The following CANT1 variants were observed in gnomAD, a reference collection of about 807,000 sequenced individuals.
CANT1 encodes soluble calcium-activated nucleotidase 1.
Under a neutral mutation model 30.0 loss-of-function variants are expected in CANT1, and 26 were observed. The ratio of observed to expected loss-of-function variants is 0.87; its 90% CI spans 0.64 to 1.20. The LOEUF is 1.20. Among genes scored for constraint, CANT1 ranks in the 50% most tolerant of loss-of-function variants. CANT1 has a pLI of 0.00. For synonymous variants in CANT1, 246 were observed against 251.8 expected, an observed-to-expected ratio of 0.98 and a Z score of 0.22; for missense variants, 518 against 563.0, an observed-to-expected ratio of 0.92 and a Z score of 0.81.
Position 78,997,306 on chromosome 17 carries a change from C to G in CANT1, c.317G>C (p.Arg106Pro). The change falls in exon 3 of 5, where the codon CGA becomes CCA. Residue 106 changes from arginine to proline, a missense_variant. Arg to Pro is a moderately radical substitution (Grantham distance 103). Transcript: ENST00000392446. This position sits in a 1 kb window ranked among gnomAD's most constrained non-coding sequence, Gnocchi z 7.5. ...GTCCAGGTCTGCGATAACTGCGATTCGATACCGAATCCCAGCCGGTGTCCT... is the reference window on the plus strand; with the variant it reads ...GTCCAGGTCTGCGATAACTGCGATTGGATACCGAATCCCAGCCGGTGTCCT... ...PQRTPAGIRYRIAVIADLDTE... is the reference protein window; with the variant it reads ...PQRTPAGIRYPIAVIADLDTE... The G allele has an allele frequency of 6.2e-7, 1 of 1,614,114 alleles. No homozygotes were observed. Among genetic ancestry groups the G allele is most frequent in the Non-Finnish European group, 8.5e-7 (1 of 1,180,034 alleles).
rs2071526727 is a variant in CANT1, at chr17:79,005,736, CTG to C, written c.-147+3926_-147+3927del. 2.0e-5 allele frequency among the ~76,000 whole-genome samples: 3 copies of C among 152,136 alleles called. No homozygotes were observed. In the South Asian group the frequency reaches 6.2e-4, roughly 31 times the overall value. On this transcript the variant is annotated intron_variant, in intron 1 of 4. Transcript: ENST00000392446. The stretch of plus-strand genomic sequence containing the variant: ...AGGCAGGCAGGCCTCAGAGTGCCCA[CTG>C]TGTTCACTGCCATGGTAAAGAGCAA...
At position 78,996,126 on chromosome 17, in the gene CANT1, G is replaced by A. The variant is rs2071027188; in HGVS notation, c.631+866C>T. On this transcript the variant is annotated intron_variant, in intron 3 of 4. Coordinates refer to ENST00000392446, the MANE Select transcript of CANT1 (RefSeq NM_001159773.2). This position sits in a 1 kb window ranked among gnomAD's most constrained non-coding sequence, Gnocchi z 5.1. The stretch of plus-strand genomic sequence containing the variant: ...GACCAACGCCTCAGTTGATACCTCA[G>A]GTGAGGTCCGTCCCCTGCCCAGCCC... 6.6e-6 allele frequency among the ~76,000 whole-genome samples: 1 copy of A among 152,216 alleles called. No individual in the cohort carries two copies. Among genetic ancestry groups the A allele is most frequent in the Non-Finnish European group, 1.5e-5 (1 of 68,032 alleles).
chr17:79,003,458 G>A (rs924474109), intron 1 of CANT1, among the ~76,000 whole-genome samples: 1 of 110,450 alleles, frequency 9.1e-6, no homozygotes, highest in African/African-American at 3.5e-5. Flanking sequence ...GGGGGTGGGG[G>A]GTGGGGGGGC....
At position 78,995,478 on chromosome 17, in the gene CANT1, A is replaced by C. The variant is rs1021766553; in HGVS notation, c.632-257T>G. Reference sequence around the variant, plus strand: ...CCCCGCTCCTCAAGCTGTAACCCCAACCTTAGGATTATCCTTAAAGGCTAG... The same window carrying C: ...CCCCGCTCCTCAAGCTGTAACCCCACCCTTAGGATTATCCTTAAAGGCTAG... On this transcript the variant is annotated intron_variant, in intron 3 of 4. Coordinates refer to ENST00000392446, the MANE Select transcript of CANT1 (RefSeq NM_001159773.2). This position sits in a 1 kb window ranked among gnomAD's most constrained non-coding sequence, Gnocchi z 5.7. Among the ~76,000 whole-genome samples the C allele has an allele frequency of 1.3e-5, 2 of 151,872 alleles. No homozygotes were observed. Among genetic ancestry groups the C allele is most frequent in the Admixed American group, 6.6e-5 (1 of 15,260 alleles).
Position 78,995,352 on chromosome 17 carries a change from C to T in CANT1, c.632-131G>A. The T allele has an allele frequency of 1.0e-6, 1 of 982,246 alleles. No individual in the cohort carries two copies. Among genetic ancestry groups the T allele is most frequent in the Non-Finnish European group, 1.5e-6 (1 of 649,484 alleles). The allele number at this position is 982,246 out of a possible 1,614,324, so 60.8% of individuals were successfully genotyped here. ...CCGCCCGGCTCCACACCTGCCTCCCCTCCGGCCCGCACCTGGCTCCCGCCC... is the reference window on the plus strand; with the variant it reads ...CCGCCCGGCTCCACACCTGCCTCCCTTCCGGCCCGCACCTGGCTCCCGCCC... On this transcript the variant is annotated intron_variant, in intron 3 of 4. Transcript: ENST00000392446. This position sits in a 1 kb window ranked among gnomAD's most constrained non-coding sequence, Gnocchi z 5.7.
At chr17:78,994,054 C>T (rs1444021252) in intron 4 of CANT1, 134 bp from the exon 5 acceptor site, 5 of 1,230,162 alleles carry the variant, frequency 4.1e-6, no homozygotes, top group Non-Finnish European at 5.5e-6. Flanking sequence ...ACCCGCCCCT[C>T]CCTGCTCTCC....
In CANT1 at chr17:78,998,295, T is replaced by C. The variant is rs187282681; in HGVS notation, c.-146-332A>G. 1.3e-5 allele frequency: 2 copies of C among 156,232 alleles called. No homozygotes were observed. Among genetic ancestry groups the C allele is most frequent in the East Asian group, 3.4e-4 (2 of 5,908 alleles). The allele number at this position is 156,232 out of a possible 1,614,324, so 9.7% of individuals were successfully genotyped here. Reference sequence around the variant, plus strand: ...TCCTCTGGGTTAGGCTCCTGCAGCATTGGAATACCAAACACATCCAAACCA... The same window carrying C: ...TCCTCTGGGTTAGGCTCCTGCAGCACTGGAATACCAAACACATCCAAACCA... On this transcript the variant is annotated intron_variant, in intron 1 of 4. Coordinates refer to ENST00000392446, the MANE Select transcript of CANT1 (RefSeq NM_001159773.2). The surrounding 1 kb of genome is among the most constrained non-coding windows in gnomAD (Gnocchi z 4.5).
At chr17:79,004,426 G>A (rs577994142) in intron 1 of CANT1, among the ~76,000 whole-genome samples, 2 of 570 alleles carry the variant, frequency 3.5e-3, no homozygotes, top group African/African-American at 0.026. Flanking sequence ...AGTTAGGGAG[G>A]GGGGAGTTAG....
In CANT1 at chr17:78,992,934, G is replaced by A. The variant is rs2070888126; in HGVS notation, c.*616C>T. ...AGAAAGCGGTCACTGGCCATATGAT[G>A]CGGAGATGGTTTTATCTGAGGCCTG... is the stretch of plus-strand genomic sequence containing the variant. On this transcript the variant is annotated 3_prime_UTR_variant, in exon 5 of 5. Coordinates refer to ENST00000392446, the MANE Select transcript of CANT1 (RefSeq NM_001159773.2). 1 of 362,384 alleles carries A rather than the reference G, an allele frequency of 2.8e-6. No homozygotes were observed. The highest frequency in any genetic ancestry group is 3.2e-5 in the South Asian group (1 of 30,834). The allele number at this position is 362,384 out of a possible 1,614,324, so 22.4% of individuals were successfully genotyped here.
At chr17:78,994,336 T>C (rs1273927415) in intron 4 of CANT1, among the ~76,000 whole-genome samples, 1 of 152,172 alleles carries the variant, frequency 6.6e-6, no homozygotes, top group Non-Finnish European at 1.5e-5. Flanking sequence ...ACTCAGTCAC[T>C]TCCTCCTGAA....
intron 1 of CANT1, among the ~76,000 whole-genome samples, chr17:79,003,367 ACTGGCTGCCGGGGTGC>A (rs976279165): frequency 3.4e-5 from 5 of 148,280 alleles, no homozygotes; most frequent in Non-Finnish European, 7.4e-5. Context: ...ATGAGCTACC[ACTGGCTGCCGGGGTGC>A]CTGGCTGCCG....
intron 4 of CANT1, among the ~76,000 whole-genome samples, chr17:78,994,546 C>A (rs1321859164): frequency 6.6e-6 from 1 of 152,180 alleles, no homozygotes; most frequent in African/African-American, 2.4e-5. Flanking sequence ...GAAAACAGCT[C>A]ATTTGCCGCC....
chr17:79,008,574 TGGGACACTAAGAGACGGCTTTTCCAG>T lies in CANT1; in HGVS notation c.-147+1064_-147+1089del. ...TCAAGAATAAAATAAGAAATGGAGC[TGGGACACTAAGAGACGGCTTTTCCAG>T]GGGTCACTAAGGGGGAAAGGTGTTT... On this transcript the variant is annotated intron_variant, in intron 1 of 4. Transcript: ENST00000392446. This position sits in a 1 kb window ranked among gnomAD's most constrained non-coding sequence, Gnocchi z 4.4. Among the ~76,000 whole-genome samples, 1 of 152,124 alleles carries T rather than the reference TGGGACACTAAGAGACGGCTTTTCCAG, an allele frequency of 6.6e-6. No homozygotes were observed. Among genetic ancestry groups the T allele is most frequent in the East Asian group, 1.9e-4 (1 of 5,192 alleles).
At chr17:78,999,712 GGCA>G (rs1225558443) in intron 1 of CANT1, among the ~76,000 whole-genome samples, 2 of 140,928 alleles carry the variant, frequency 1.4e-5, no homozygotes, top group Non-Finnish European at 3.0e-5. Flanking sequence ...GGAGTGCAAT[GGCA>G]CGATCTCGGC....
In CANT1 at chr17:78,993,309, T is replaced by TGA. The variant is rs2070897721; in HGVS notation, c.*240_*241insTC. On this transcript the variant is annotated 3_prime_UTR_variant, in exon 5 of 5. Transcript: ENST00000392446. The surrounding 1 kb of genome is among the most constrained non-coding windows in gnomAD (Gnocchi z 4.5). The stretch of plus-strand genomic sequence containing the variant: ...CCCAGCCAGTTAGGCAGGCCTTGAG[T>TGA]CAATGCCTGAAGTGACCGAAATCAC... 4 of 562,050 alleles carry TGA rather than the reference T, an allele frequency of 7.1e-6. No individual in the cohort carries two copies. The South Asian group carries it at 8.2e-5, about 11-fold the overall frequency. 34.8% of individuals were successfully genotyped at this position (562,050 alleles called of 1,614,324 possible).
Position 78,993,136 on chromosome 17 carries a change from C to A in CANT1, c.*414G>T. The A allele has an allele frequency of 2.8e-6, 1 of 351,822 alleles. No individual in the cohort carries two copies. Among genetic ancestry groups the A allele is most frequent in the Non-Finnish European group, 5.3e-6 (1 of 188,326 alleles). The allele number at this position is 351,822 out of a possible 1,614,324, so 21.8% of individuals were successfully genotyped here. A position where few individuals can be genotyped will look rare whatever the true frequency, so the allele number is the denominator to read the frequency against. Reference sequence around the variant, plus strand: ...CAGAGTAGGAAGAAAAGGGGGTGACCTGGGGTTCCCAGCAAACAGGTCCAC... The same window carrying A: ...CAGAGTAGGAAGAAAAGGGGGTGACATGGGGTTCCCAGCAAACAGGTCCAC... On this transcript the variant is annotated 3_prime_UTR_variant, in exon 5 of 5. Transcript: ENST00000392446. The surrounding 1 kb of genome is among the most constrained non-coding windows in gnomAD (Gnocchi z 4.5).
At chr17:79,003,260 C>T (rs890548285) in intron 1 of CANT1, among the ~76,000 whole-genome samples, 50 of 152,188 alleles carry the variant, frequency 3.3e-4, no homozygotes, top group African/African-American at 1.1e-3. Context: ...AGAACACCTT[C>T]CCTTGGGCTT....
At position 78,992,821 on chromosome 17, in the gene CANT1, C is replaced by G. The variant is rs949684247; in HGVS notation, c.*729G>C. On this transcript the variant is annotated 3_prime_UTR_variant, in exon 5 of 5. Transcript: ENST00000392446. Reference sequence around the variant, plus strand: ...TGTGTGATAAGATTTGGTGATTCCACTTTATAAGAAAGGAAACTGCTTTAA... The same window carrying G: ...TGTGTGATAAGATTTGGTGATTCCAGTTTATAAGAAAGGAAACTGCTTTAA... 2.2e-5 allele frequency: 9 copies of G among 409,112 alleles called. No homozygotes were observed. Among genetic ancestry groups the G allele is most frequent in the Non-Finnish European group, 4.3e-5 (9 of 208,288 alleles). The allele number at this position is 409,112 out of a possible 1,614,324, so 25.3% of individuals were successfully genotyped here.
At chr17:79,006,681 G>A (rs12450407) in intron 1 of CANT1, among the ~76,000 whole-genome samples, 33,931 of 152,144 alleles carry the variant, frequency 0.22, 4,382 homozygotes, top group East Asian at 0.4. Context: ...TTAGCCAAAA[G>A]GCGACCTTCT....
Sources: allele counts gnomAD v4.1 joint callset (sites outside exome capture counted in the v4.1 genomes callset), GRCh38; gene constraint gnomAD v4.1.1; non-coding constraint Gnocchi (gnomAD v3.1); transcripts MANE v1.5; gene names NCBI Gene and HGNC (gene_info 2026-07-23, HGNC 2026-07-21).